The following NLK variants were observed in gnomAD, a reference collection of about 807,000 sequenced individuals.
NLK encodes nemo like kinase.
Under a neutral mutation model 59.0 loss-of-function variants are expected in NLK, and 11 were observed. That is an observed-to-expected ratio of 0.19 (90% CI 0.12 to 0.31). NLK has a LOEUF of 0.31. Ranked by LOEUF, NLK falls within the 10% of genes least tolerant of loss-of-function variation. The probability of loss-of-function intolerance (pLI) is 1.00; values close to 1 mark genes in which losing one functional copy is unlikely to be tolerated. For missense variants in NLK, 410 were observed against 661.1 expected (o/e 0.62, Z 4.16); for synonymous variants, 235 against 235.9 (o/e 1.00, Z 0.03).
chr17:28,139,297 G>A (rs1366219149), intron 3 of NLK, among the ~76,000 whole-genome samples: 1 of 152,044 alleles, frequency 6.6e-6, no homozygotes, highest in Non-Finnish European at 1.5e-5. Context: ...GCACTGAGGG[G>A]TTCTGATTTT....
chr17:28,201,833 T>A, the NLK span, among the ~76,000 whole-genome samples: 1 of 152,064 alleles, frequency 6.6e-6, no homozygotes, highest in Non-Finnish European at 1.5e-5. Flanking sequence ...CTAGCCAACA[T>A]GGCGAAACCC....
intron 1 of NLK, among the ~76,000 whole-genome samples, chr17:28,071,159 C>T (rs1370238793): frequency 6.6e-6 from 1 of 152,178 alleles, no homozygotes; most frequent in Non-Finnish European, 1.5e-5. Context: ...CCAAATGTCC[C>T]CTAGGGAACA....
rs776210631 is a variant in NLK at position 28,082,195 on chromosome 17, G to A, written c.458+38864G>A. On this transcript the variant is annotated intron_variant, in intron 1 of 10. Coordinates refer to ENST00000407008, the MANE Select transcript of NLK (RefSeq NM_016231.5). The stretch of plus-strand genomic sequence containing the variant: ...TGGGATTACAGGCATGAGCCACTGC[G>A]CCCGGCCTGAAATTCACGTTGTTTT... 2.0e-5 allele frequency among the ~76,000 whole-genome samples: 3 copies of A among 152,270 alleles called. 1 individual carries two copies. Among genetic ancestry groups the A allele is most frequent in the East Asian group, 3.9e-4 (2 of 5,174 alleles).
chr17:28,067,075 T>C (rs1430111679), intron 1 of NLK, among the ~76,000 whole-genome samples: 1 of 152,210 alleles, frequency 6.6e-6, no homozygotes, highest in African/African-American at 2.4e-5. Context: ...TGAGTGTCTT[T>C]TGCAATACAA....
At chr17:28,181,518 G>C (rs774812158) in intron 7 of NLK, among the ~76,000 whole-genome samples, 2 of 150,898 alleles carry the variant, frequency 1.3e-5, no homozygotes, top group African/African-American at 2.4e-5. Context: ...GCAGTGAGCT[G>C]TGATCGTGCC....
intron 1 of NLK, among the ~76,000 whole-genome samples, chr17:28,097,144 C>A (rs987465736): frequency 6.6e-6 from 1 of 152,130 alleles, no homozygotes; most frequent in Non-Finnish European, 1.5e-5. Flanking sequence ...AAAAATGAGA[C>A]ACCAAGGTAC....
At chr17:28,171,745 CTGTT>C (rs967268209) in intron 6 of NLK, among the ~76,000 whole-genome samples, 4 of 151,700 alleles carry the variant, frequency 2.6e-5, no homozygotes, top group Admixed American at 2.6e-4. Flanking sequence ...CATTCATTAA[CTGTT>C]TGGAAAGAAT....
At chr17:28,187,074 C>G (rs1238698233) in intron 8 of NLK, among the ~76,000 whole-genome samples, 1 of 152,170 alleles carries the variant, frequency 6.6e-6, no homozygotes, top group Admixed American at 6.5e-5. Context: ...GTTAACAAAA[C>G]TAGAGCTGTG....
At chr17:28,188,980 GACACACACACAC>G (rs57423093) in intron 8 of NLK, among the ~76,000 whole-genome samples, 3 of 142,624 alleles carry the variant, frequency 2.1e-5, no homozygotes, top group East Asian at 4.1e-4. Context: ...GACAAACACA[GACACACACACAC>G]ACACACACAC....
intron 1 of NLK, among the ~76,000 whole-genome samples, chr17:28,103,802 A>G (rs868381951): frequency 2.0e-5 from 3 of 152,226 alleles, no homozygotes; most frequent in Admixed American, 1.3e-4. Context: ...TTTAAGACTG[A>G]TAAGTTCTTT....
intron 1 of NLK, among the ~76,000 whole-genome samples, chr17:28,111,901 GTGTGTGTGTGTGTGTGTGT>G (rs1905528098): frequency 5.2e-4 from 46 of 88,678 alleles, no homozygotes; most frequent in Admixed American, 8.3e-4. Flanking sequence ...TGTGTGGTGT[GTGTGTGTGTGTGTGTGTGT>G]GTGTGTGTGT....
At chr17:28,164,259 A>AGTT (rs1908127972) in intron 5 of NLK, among the ~76,000 whole-genome samples, 10 of 151,700 alleles carry the variant, frequency 6.6e-5, no homozygotes, top group Admixed American at 6.6e-4. Flanking sequence ...AGTTCCAGCT[A>AGTT]CTCAGAAGGC....
chr17:28,044,244 C>T (rs903933772), intron 1 of NLK, among the ~76,000 whole-genome samples: 2 of 152,112 alleles, frequency 1.3e-5, no homozygotes, highest in African/African-American at 2.4e-5. Flanking sequence ...TGGGTTTTCT[C>T]CCAAGGACTA....
intron 1 of NLK, among the ~76,000 whole-genome samples, chr17:28,088,575 T>C (rs1904366450): frequency 6.6e-6 from 1 of 152,236 alleles, no homozygotes; most frequent in Non-Finnish European, 1.5e-5. Context: ...TTAAGTTATA[T>C]TTCATATAGA....
intron 1 of NLK, among the ~76,000 whole-genome samples, chr17:28,069,750 C>G (rs944886839): frequency 3.3e-5 from 5 of 151,840 alleles, no homozygotes; most frequent in Non-Finnish European, 7.4e-5. Context: ...TATTATTATA[C>G]TGTAGGAGTC....
At chr17:28,044,969 G>A (rs1167046806) in intron 1 of NLK, among the ~76,000 whole-genome samples, 1 of 152,162 alleles carries the variant, frequency 6.6e-6, no homozygotes, top group African/African-American at 2.4e-5. Flanking sequence ...CTATCAAAAA[G>A]TGATGTGACT....
chr17:28,054,336 G>A (rs1909363775), intron 1 of NLK, among the ~76,000 whole-genome samples: 1 of 152,194 alleles, frequency 6.6e-6, no homozygotes, highest in Non-Finnish European at 1.5e-5. Flanking sequence ...AGCGTTCAAA[G>A]TAAATATTGA....
chr17:28,072,842 T>G (rs1910050285), intron 1 of NLK, among the ~76,000 whole-genome samples: 1 of 152,208 alleles, frequency 6.6e-6, no homozygotes. Flanking sequence ...TTTTATATTT[T>G]TTCAAATACA....
chr17:28,044,726 G>A (rs1436263414), intron 1 of NLK, among the ~76,000 whole-genome samples: 1 of 152,196 alleles, frequency 6.6e-6, no homozygotes, highest in African/African-American at 2.4e-5. Flanking sequence ...AACTCTTGAG[G>A]ATTTCCAAGC....
Sources: gnomAD v4.1 joint callset for allele counts (sites outside exome capture counted in the v4.1 genomes callset) on GRCh38, gnomAD v4.1.1 for gene constraint, MANE v1.5 for transcripts, NCBI Gene and HGNC (gene_info 2026-07-23, HGNC 2026-07-21) for gene names.